The following THRAP3 variants were observed in gnomAD, a reference collection of about 807,000 sequenced individuals.
THRAP3 encodes the protein thyroid hormone receptor associated protein 3.
In THRAP3, 16 loss-of-function variants were observed where a neutral mutation model predicts 101.0. The ratio of observed to expected loss-of-function variants is 0.16; its 90% CI spans 0.11 to 0.24. THRAP3 has a LOEUF of 0.24. Among genes scored for constraint, THRAP3 ranks in the 10% least tolerant of loss-of-function variants. The probability of loss-of-function intolerance (pLI) is 1.00; values close to 1 mark genes in which losing one functional copy is unlikely to be tolerated. For missense variants in THRAP3, 989 were observed against 1,202.7 expected, an observed-to-expected ratio of 0.82 and a Z score of 2.63; for synonymous variants, 407 against 422.6, an observed-to-expected ratio of 0.96 and a Z score of 0.45.
At chr1:36,232,800 T>A (rs1484988747) in intron 1 of THRAP3, among the ~76,000 whole-genome samples, 1 of 152,122 alleles carries the variant, frequency 6.6e-6, no homozygotes, top group East Asian at 1.9e-4. Flanking sequence ...GAGGGTACTT[T>A]CTGGAGTGAT....
intron 1 of THRAP3, among the ~76,000 whole-genome samples, chr1:36,258,581 C>T (rs1319443596): frequency 6.6e-6 from 1 of 152,092 alleles, no homozygotes; most frequent in Non-Finnish European, 1.5e-5. Context: ...GTTCACGCCA[C>T]TCTCCCACCT....
At chr1:36,303,421 G>A (rs759298470) in intron 11 of THRAP3, among the ~76,000 whole-genome samples, 2 of 152,144 alleles carry the variant, frequency 1.3e-5, no homozygotes, top group Admixed American at 1.3e-4. Context: ...TGCAGAGTGG[G>A]AGGTGATAAT....
At chr1:36,251,638 C>T (rs939057976) in intron 1 of THRAP3, among the ~76,000 whole-genome samples, 6 of 152,176 alleles carry the variant, frequency 3.9e-5, no homozygotes, top group African/African-American at 1.4e-4. Flanking sequence ...ATTCTGAATT[C>T]GCATGAGAAT....
chr1:36,277,323 T>A (rs1645673675), intron 2 of THRAP3, among the ~76,000 whole-genome samples: 1 of 151,740 alleles, frequency 6.6e-6, no homozygotes, highest in African/African-American at 2.4e-5. Flanking sequence ...TCACCCAGGC[T>A]GGAGTGCAGT....
chr1:36,267,930 A>C lies in THRAP3; in HGVS notation c.-32+8446A>C, dbSNP rs1336571405. Among the ~76,000 whole-genome samples the C allele has an allele frequency of 5.8e-5, 3 of 51,632 alleles. 1 individual carries two copies. The highest frequency in any genetic ancestry group is 1.1e-4 in the African/African-American group (3 of 26,180). 33.9% of individuals were successfully genotyped at this position (51,632 alleles called of 152,430 possible). ...CACGGTGACTCACGCCTGTAATCCTAGTACTTTGGGAGGCCGAGGCAGATG... is the reference window on the plus strand; with the variant it reads ...CACGGTGACTCACGCCTGTAATCCTCGTACTTTGGGAGGCCGAGGCAGATG... On this transcript the variant is annotated intron_variant, in intron 2 of 11. Transcript: ENST00000354618.
intron 4 of THRAP3, chr1:36,288,564 G>C (rs563932598): frequency 3.3e-5 from 33 of 985,248 alleles, no homozygotes; most frequent in Non-Finnish European, 3.7e-5. Context: ...TTCGTATTTA[G>C]ATCTTCTAGG....
chr1:36,299,273 T>C (rs1042652147), intron 9 of THRAP3, among the ~76,000 whole-genome samples: 2 of 151,778 alleles, frequency 1.3e-5, no homozygotes, highest in African/African-American at 4.8e-5. Flanking sequence ...ACCCTGTCTC[T>C]ACTAAAAATA....
At chr1:36,227,319 T>A (rs1644973406) in intron 1 of THRAP3, among the ~76,000 whole-genome samples, 1 of 152,014 alleles carries the variant, frequency 6.6e-6, no homozygotes, top group African/African-American at 2.4e-5. Context: ...GTTTCGCTCT[T>A]GTTGCCCAGG....
the THRAP3 span, among the ~76,000 whole-genome samples, chr1:36,208,512 C>A: frequency 1.3e-5 from 2 of 152,228 alleles, no homozygotes; most frequent in South Asian, 2.1e-4. Context: ...CCCTCTGCCC[C>A]CCGGTGTAAA....
At chr1:36,301,112 C>CT in intron 10 of THRAP3, 28 bp downstream of exon 10, 1 of 1,606,934 alleles carries the variant, frequency 6.2e-7, no homozygotes, top group South Asian at 1.1e-5. Context: ...CCCCCTTTCT[C>CT]TGAGACCCTT....
At chr1:36,266,107 T>C (rs533429859) in intron 2 of THRAP3, among the ~76,000 whole-genome samples, 71 of 150,924 alleles carry the variant, frequency 4.7e-4, no homozygotes, top group African/African-American at 1.7e-3. Flanking sequence ...TGAGCTGAGA[T>C]TGCACCACTG....
At chr1:36,235,882 A>G (rs1423215510) in intron 1 of THRAP3, among the ~76,000 whole-genome samples, 1 of 152,160 alleles carries the variant, frequency 6.6e-6, no homozygotes, top group Non-Finnish European at 1.5e-5. Context: ...TGGAGACAGG[A>G]AAGTCATGTT....
At chr1:36,290,282 G>A (rs564505691) in intron 5 of THRAP3, among the ~76,000 whole-genome samples, 14 of 151,386 alleles carry the variant, frequency 9.2e-5, no homozygotes, top group East Asian at 5.8e-4. Context: ...CGCAAGCTCC[G>A]CCTCCTGGGT....
intron 1 of THRAP3, among the ~76,000 whole-genome samples, chr1:36,229,478 T>C (rs1400682773): frequency 1.3e-5 from 2 of 151,670 alleles, no homozygotes; most frequent in African/African-American, 4.8e-5. Context: ...GTAGAAATTT[T>C]AGTTTCTTTT....
At chr1:36,271,006 A>C (rs958979476) in intron 2 of THRAP3, among the ~76,000 whole-genome samples, 1 of 152,184 alleles carries the variant, frequency 6.6e-6, no homozygotes, top group Non-Finnish European at 1.5e-5. Flanking sequence ...TCTGCCTAAA[A>C]AAATTAAAGT....
the THRAP3 span, among the ~76,000 whole-genome samples, chr1:36,213,497 A>G: frequency 6.6e-6 from 1 of 152,086 alleles, no homozygotes; most frequent in African/African-American, 2.4e-5. Context: ...CAGATAAGAT[A>G]GAAGGAGGAA....
At chr1:36,287,347 TAG>T (rs1196583386) in intron 4 of THRAP3, 77 bp downstream of exon 4, 1 of 1,459,810 alleles carries the variant, frequency 6.9e-7, no homozygotes, top group African/African-American at 1.4e-5. Flanking sequence ...TGATCTAAGT[TAG>T]AGCTCTGATT....
intron 4 of THRAP3, chr1:36,288,565 A>G (rs1407047755): frequency 2.0e-6 from 2 of 985,316 alleles, no homozygotes; most frequent in African/African-American, 1.7e-5. Context: ...TCGTATTTAG[A>G]TCTTCTAGGT....
At chr1:36,221,523 C>T (rs974595845), upstream of THRAP3, among the ~76,000 whole-genome samples, 1 of 152,202 alleles carries the variant, frequency 6.6e-6, no homozygotes, top group African/African-American at 2.4e-5. Context: ...AGTCAGTCAA[C>T]AGCCATCAGC....
Sources: allele counts gnomAD v4.1 joint callset (sites outside exome capture counted in the v4.1 genomes callset), GRCh38; gene constraint gnomAD v4.1.1; transcripts MANE v1.5; gene names NCBI Gene and HGNC (gene_info 2026-07-23, HGNC 2026-07-21).